The following ANO1 variants were observed in gnomAD, a reference collection of about 807,000 sequenced individuals.
ANO1 encodes anoctamin-1.
In ANO1, 59 loss-of-function variants were observed where a neutral mutation model predicts 124.0. The observed-to-expected ratio is 0.48, with a 90% confidence interval of 0.39 to 0.59. ANO1 has a LOEUF of 0.59. ANO1 is among the 20% of genes least tolerant of loss of function. The pLI is 0.00. For synonymous variants in ANO1, 529 were observed against 532.0 expected (o/e 0.99, Z 0.08); for missense variants, 1,059 against 1,328.0 (o/e 0.80, Z 3.15).
intron 1 of ANO1, among the ~76,000 whole-genome samples, chr11:70,079,991 C>A (rs2509123): frequency 6.6e-6 from 1 of 152,084 alleles, no homozygotes; most frequent in Non-Finnish European, 1.5e-5. Flanking sequence ...CAGGACTGGC[C>A]GGAGGAGCTC....
intron 1 of ANO1, among the ~76,000 whole-genome samples, chr11:70,006,281 A>G (rs975941887): frequency 6.6e-6 from 1 of 152,266 alleles, no homozygotes; most frequent in African/African-American, 2.4e-5. Flanking sequence ...GTGTGTTCCC[A>G]TTGTCAACCT....
chr11:70,010,164 T>TGC (rs143133261), intron 1 of ANO1, among the ~76,000 whole-genome samples: 3 of 61,338 alleles, frequency 4.9e-5, no homozygotes, highest in Non-Finnish European at 6.8e-5. Context: ...TGTGTGTGTG[T>TGC]GCGCGTGTGT....
At chr11:70,141,405 C>T (rs540908896) in intron 11 of ANO1, among the ~76,000 whole-genome samples, 53 of 152,296 alleles carry the variant, frequency 3.5e-4, no homozygotes, top group African/African-American at 1.2e-3. Context: ...CCGCGGGAGG[C>T]TTTGCTGCTT....
Position 70,161,298 on chromosome 11 carries a change from C to G in ANO1, c.1716C>G (p.Asn572Lys). ...TCACAGCCACCGCAGTCATCATCAA[C>G]CTAGTGGTCATCATCCTCCTGGACG... ...VTVTATAVIINLVVIILLDEV... is the reference protein window; with the variant it reads ...VTVTATAVIIKLVVIILLDEV... The change falls in exon 17 of 26, where the codon AAC (asparagine) becomes AAG (lysine). Residue 572 changes from asparagine (N) to lysine (K), a missense_variant. Around this residue, in one of 2 missense-constraint regions of ANO1, gnomAD observed 809 missense variants for 1,094.9 expected, o/e 0.74. Transcript: ENST00000355303. 1 of 1,613,922 alleles carries G rather than the reference C, an allele frequency of 6.2e-7. No homozygotes were observed. The highest frequency in any genetic ancestry group is 8.5e-7 in the Non-Finnish European group (1 of 1,179,808).
chr11:70,169,685 C>T (rs1479578614), intron 21 of ANO1, among the ~76,000 whole-genome samples: 1 of 152,200 alleles, frequency 6.6e-6, no homozygotes, highest in African/African-American at 2.4e-5. Context: ...GCCTCCCACT[C>T]AGCCCACCTT....
chr11:70,128,084 C>T (rs1022786779), intron 10 of ANO1, among the ~76,000 whole-genome samples: 1 of 152,198 alleles, frequency 6.6e-6, no homozygotes, highest in Non-Finnish European at 1.5e-5. Flanking sequence ...TGACTCTTTG[C>T]AGCACAAAAA....
chr11:70,085,337 G>C, intron 1 of ANO1: 36 of 1,235,856 alleles, frequency 2.9e-5, no homozygotes, highest in East Asian at 1.1e-4. Flanking sequence ...GCCCTCCCAA[G>C]CCACCCACCC....
At chr11:70,050,212 A>G (rs1162427357) in intron 1 of ANO1, among the ~76,000 whole-genome samples, 1 of 152,204 alleles carries the variant, frequency 6.6e-6, no homozygotes, top group Admixed American at 6.5e-5. Context: ...TGACAAAACT[A>G]GCCAAACCCT....
At position 70,028,552 on chromosome 11, in the gene ANO1, G is replaced by C. The variant is rs545350135; in HGVS notation, c.58+42386G>C. On this transcript the variant is annotated intron_variant, in intron 1 of 27. Transcript: ENST00000531349. ...TCTCTCCTGGACAGACACTCCCTCAGCTCCATCATGTCTGAATCCCCAAAA... is the reference window on the plus strand; with the variant it reads ...TCTCTCCTGGACAGACACTCCCTCACCTCCATCATGTCTGAATCCCCAAAA... 2.0e-5 allele frequency among the ~76,000 whole-genome samples: 3 copies of C among 151,840 alleles called. No homozygotes were observed. In the South Asian group the frequency reaches 6.3e-4, roughly 32 times the overall value.
rs921026268 is a variant in ANO1, at chr11:70,126,861, G to A, written c.1097+666G>A. Among the ~76,000 whole-genome samples the A allele has an allele frequency of 8.9e-5, 13 of 146,200 alleles. No homozygotes were observed. The East Asian group carries it at 1.9e-3, about 21-fold the overall frequency. ...GTGAGACGTGAACGCTAGAGGCCTC[G>A]GTGCAGGCTGGCACTTGCGGGAGGT... On this transcript the variant is annotated intron_variant, in intron 10 of 25. Transcript: ENST00000355303.
intron 21 of ANO1, among the ~76,000 whole-genome samples, chr11:70,168,777 G>A (rs551535368): frequency 6.6e-5 from 10 of 152,168 alleles, no homozygotes; most frequent in Non-Finnish European, 1.0e-4. Flanking sequence ...GCACCTTAGA[G>A]GGTGGGGAGC....
intron 15 of ANO1, among the ~76,000 whole-genome samples, chr11:70,156,264 T>G (rs1236840073): frequency 6.6e-6 from 1 of 152,180 alleles, no homozygotes; most frequent in Non-Finnish European, 1.5e-5. Flanking sequence ...TTTCTTGGTC[T>G]CCTCGTTAAC....
intron 1 of ANO1, chr11:70,064,189 G>A (rs1857662404): frequency 6.6e-6 from 1 of 152,236 alleles, no homozygotes; most frequent in Admixed American, 6.5e-5. Context: ...GATGGAGGCT[G>A]GGACATCTGG....
At chr11:69,967,226 G>A in the ANO1 span, among the ~76,000 whole-genome samples, 2 of 147,686 alleles carry the variant, frequency 1.4e-5, no homozygotes, top group South Asian at 2.2e-4. Flanking sequence ...CCGAGCGCCC[G>A]TATCACACGT....
At chr11:70,152,711 G>A (rs1004954743) in intron 13 of ANO1, among the ~76,000 whole-genome samples, 7 of 152,306 alleles carry the variant, frequency 4.6e-5, no homozygotes, top group African/African-American at 1.4e-4. Context: ...CAGTTACTGC[G>A]TCTCTTCTGA....
chr11:70,134,334 C>T (rs2046872517), intron 11 of ANO1, among the ~76,000 whole-genome samples: 1 of 152,210 alleles, frequency 6.6e-6, no homozygotes, highest in Admixed American at 6.5e-5. Flanking sequence ...CCCCCTGAGC[C>T]ACTAGAAGAT....
At chr11:70,068,996 C>A (rs1857800748) in intron 1 of ANO1, among the ~76,000 whole-genome samples, 1 of 152,234 alleles carries the variant, frequency 6.6e-6, no homozygotes, top group Non-Finnish European at 1.5e-5. Flanking sequence ...GGTGCATCTA[C>A]AAAGGCTGGG....
At chr11:70,065,887 C>A (rs1288525800) in intron 1 of ANO1, among the ~76,000 whole-genome samples, 1 of 152,166 alleles carries the variant, frequency 6.6e-6, no homozygotes, top group Non-Finnish European at 1.5e-5. Flanking sequence ...CACGGCCACC[C>A]ACGTCGTGTC....
At chr11:70,138,301 C>T (rs1022762768) in intron 11 of ANO1, among the ~76,000 whole-genome samples, 20 of 142,942 alleles carry the variant, frequency 1.4e-4, no homozygotes, top group African/African-American at 2.5e-5. Context: ...GCCAAGATCA[C>T]GCCACTGCAC....
Sources: gnomAD v4.1 joint callset for allele counts (sites outside exome capture counted in the v4.1 genomes callset) on GRCh38, gnomAD v4.1.1 for gene constraint, gnomAD v4.1.1 regional missense constraint, MANE v1.5 for transcripts, NCBI Gene and HGNC (gene_info 2026-07-23, HGNC 2026-07-21) for gene names.